The following TMEM272 variants were observed in gnomAD, a reference collection of about 807,000 sequenced individuals.
The protein encoded by TMEM272 is long intergenic non-protein coding RNA 282.
TMEM272 carries 8 observed loss-of-function variants against 3.7 expected under a neutral mutation model. The observed-to-expected ratio is 2.17, with a 90% CI of 1.27 to 3.91. The LOEUF is 3.91. Among genes scored for constraint, TMEM272 ranks in the 30% most tolerant of loss-of-function variants. The probability of loss-of-function intolerance (pLI) is 0.00; values close to 1 mark genes in which losing one functional copy is unlikely to be tolerated. For missense variants in TMEM272, 166 were observed against 91.5 expected (o/e 1.81, Z -3.32); for synonymous variants, 63 against 39.8 (o/e 1.58, Z -2.20).
intron 2 of TMEM272, among the ~76,000 whole-genome samples, chr13:51,831,378 C>A (rs1183118266): frequency 1.3e-5 from 2 of 152,228 alleles, no homozygotes; most frequent in African/African-American, 4.8e-5. Context: ...GAACCATAAT[C>A]CCGCCTCTGC....
At chr13:51,888,331 C>T in the TMEM272 span, among the ~76,000 whole-genome samples, 2 of 152,298 alleles carry the variant, frequency 1.3e-5, no homozygotes, top group South Asian at 4.1e-4. Context: ...CAGGCGTGAA[C>T]CACTGCGCCC....
At chr13:51,874,223 T>A in the TMEM272 span, among the ~76,000 whole-genome samples, 52 of 152,238 alleles carry the variant, frequency 3.4e-4, no homozygotes, top group Non-Finnish European at 6.8e-4. Flanking sequence ...ATTTTCTGCA[T>A]AATGTTCTTG....
the TMEM272 span, chr13:51,909,476 T>G: frequency 6.6e-6 from 6 of 912,280 alleles, no homozygotes; most frequent in African/African-American, 1.6e-5. Flanking sequence ...ACTCAGTCAT[T>G]AACTTTCTGT....
At chr13:51,918,416 T>A in the TMEM272 span, among the ~76,000 whole-genome samples, 1 of 152,148 alleles carries the variant, frequency 6.6e-6, no homozygotes, top group Non-Finnish European at 1.5e-5. Flanking sequence ...AGACATGGCA[T>A]CCGGGATTTA....
At chr13:51,843,866 A>T (rs1031145133) in intron 1 of TMEM272, among the ~76,000 whole-genome samples, 3 of 152,194 alleles carry the variant, frequency 2.0e-5, no homozygotes, top group African/African-American at 7.2e-5. Flanking sequence ...TTGCCAAATG[A>T]TATGCTCAAT....
At chr13:51,829,884 G>A (rs1387593202) in intron 2 of TMEM272, among the ~76,000 whole-genome samples, 1 of 152,144 alleles carries the variant, frequency 6.6e-6, no homozygotes, top group Non-Finnish European at 1.5e-5. Context: ...AGGGTACTCT[G>A]ACCCTCCCCT....
the TMEM272 span, among the ~76,000 whole-genome samples, chr13:51,924,985 A>C: frequency 1.3e-5 from 2 of 152,188 alleles, no homozygotes; most frequent in Non-Finnish European, 2.9e-5. Context: ...AACCTTTGAC[A>C]TAACAAGATC....
the TMEM272 span, among the ~76,000 whole-genome samples, chr13:51,912,427 C>T: frequency 3.3e-5 from 5 of 152,124 alleles, no homozygotes; most frequent in Non-Finnish European, 7.3e-5. Flanking sequence ...CCACAGAGCT[C>T]CCAGCCCACA....
the TMEM272 span, among the ~76,000 whole-genome samples, chr13:51,926,671 G>A: frequency 3.3e-5 from 5 of 151,710 alleles, no homozygotes; most frequent in African/African-American, 7.3e-5. Flanking sequence ...GTGCATGTGC[G>A]CGCACGCACA....
At chr13:51,903,205 C>A in the TMEM272 span, among the ~76,000 whole-genome samples, 1 of 152,186 alleles carries the variant, frequency 6.6e-6, no homozygotes, top group Non-Finnish European at 1.5e-5. Flanking sequence ...ATGCACGAGG[C>A]AGCAGCAGTG....
chr13:51,857,720 G>A, the TMEM272 span, among the ~76,000 whole-genome samples: 1 of 151,892 alleles, frequency 6.6e-6, no homozygotes, highest in Non-Finnish European at 1.5e-5. Flanking sequence ...CATTTAACAG[G>A]TAGGAGTAGA....
chr13:51,896,324 TGTGTATGAGAG>T, the TMEM272 span, among the ~76,000 whole-genome samples: 1 of 150,772 alleles, frequency 6.6e-6, no homozygotes, highest in Non-Finnish European at 1.5e-5. Flanking sequence ...GGGGTGTGTG[TGTGTATGAGAG>T]AGACAGAGAA....
chr13:51,865,724 G>A, the TMEM272 span: 3 of 1,614,146 alleles, frequency 1.9e-6, no homozygotes, highest in Admixed American at 3.3e-5. Context: ...GTCTTTCAGG[G>A]AGGAAGAGAA....
Position 51,816,455 on chromosome 13 carries a change from A to C in TMEM272, c.*296T>G. The C allele has an allele frequency of 3.6e-6, 1 of 277,554 alleles. No individual in the cohort carries two copies. Among genetic ancestry groups the C allele is most frequent in the Non-Finnish European group, 6.9e-6 (1 of 145,704 alleles). 17.2% of individuals were successfully genotyped at this position (277,554 alleles called of 1,614,324 possible). A position where few individuals can be genotyped will look rare whatever the true frequency, so the allele number is the denominator to read the frequency against. On this transcript the variant is annotated 3_prime_UTR_variant, in exon 5 of 5. Coordinates refer to ENST00000629372, the MANE Select transcript of TMEM272 (RefSeq NM_001351003.2). ...AGGTCTCCCATTCTTTGCCTCCCAC[A>C]CTTCATACCCTCAAAAACAATTATC... is the stretch of plus-strand genomic sequence containing the variant.
intron 3 of TMEM272, among the ~76,000 whole-genome samples, chr13:51,824,705 C>G (rs529922820): frequency 6.6e-6 from 1 of 152,174 alleles, no homozygotes; most frequent in African/African-American, 2.4e-5. Context: ...GTCATCCCAG[C>G]GCTTTGGGAG....
intron 1 of TMEM272, among the ~76,000 whole-genome samples, chr13:51,839,330 C>T (rs537010698): frequency 6.6e-6 from 1 of 152,300 alleles, no homozygotes; most frequent in Non-Finnish European, 1.5e-5. Context: ...AATGAGGTAG[C>T]CCCGTAAAGA....
chr13:51,828,602 AGGCGTGCAACTTAAC>A, intron 2 of TMEM272, among the ~76,000 whole-genome samples: 1 of 152,306 alleles, frequency 6.6e-6, no homozygotes, highest in Middle Eastern at 3.4e-3. Context: ...CCAGCTTCAA[AGGCGTGCAACTTAAC>A]GGCCCCAAGC....
At chr13:51,888,799 C>T in the TMEM272 span, among the ~76,000 whole-genome samples, 2 of 151,898 alleles carry the variant, frequency 1.3e-5, no homozygotes, top group Non-Finnish European at 2.9e-5. Flanking sequence ...GCACCTGCCA[C>T]CACGCCTGGC....
At chr13:51,924,959 C>A in the TMEM272 span, among the ~76,000 whole-genome samples, 1 of 152,188 alleles carries the variant, frequency 6.6e-6, no homozygotes, top group Non-Finnish European at 1.5e-5. Context: ...GGATTTTACG[C>A]TGCAGGACTT....
Sources: gnomAD v4.1 joint callset for allele counts (sites outside exome capture counted in the v4.1 genomes callset) on GRCh38, gnomAD v4.1.1 for gene constraint, MANE v1.5 for transcripts, NCBI Gene and HGNC (gene_info 2026-07-23, HGNC 2026-07-21) for gene names.